SNTG2: variants seen among roughly 807,000 people sequenced by gnomAD.
SNTG2 encodes the protein syntrophin gamma 2.
A neutral mutation model predicts 70.9 loss-of-function variants in SNTG2; 74 were observed. That is an observed-to-expected ratio of 1.04 (90% CI 0.86 to 1.27). The LOEUF (loss-of-function observed/expected upper bound fraction) is 1.27, where lower values mean the gene tolerates loss of function less well. Among genes scored for constraint, SNTG2 ranks in the 50% most tolerant of loss-of-function variants. The pLI is 0.00. For synonymous variants in SNTG2, 278 were observed against 273.8 expected, an observed-to-expected ratio of 1.02 and a Z score of -0.15; for missense variants, 717 against 690.7, an observed-to-expected ratio of 1.04 and a Z score of -0.43.
At chr2:1,193,400 T>G (rs761267025) in intron 8 of SNTG2, among the ~76,000 whole-genome samples, 29 of 152,174 alleles carry the variant, frequency 1.9e-4, no homozygotes, top group Non-Finnish European at 3.7e-4. Flanking sequence ...AGCCCAGGCT[T>G]CATCACTGAT....
At chr2:961,730 G>A (rs1660357715) in intron 1 of SNTG2, among the ~76,000 whole-genome samples, 1 of 152,182 alleles carries the variant, frequency 6.6e-6, no homozygotes, top group South Asian at 2.1e-4. Context: ...GTCTAAGATA[G>A]TGACAGCCTG....
chr2:1,176,937 C>A (rs1671517592), intron 8 of SNTG2, among the ~76,000 whole-genome samples: 1 of 152,150 alleles, frequency 6.6e-6, no homozygotes, highest in African/African-American at 2.4e-5. Flanking sequence ...CCTCAAAGGT[C>A]TAGAACCAGA....
chr2:1,014,681 T>C (rs1659827192), intron 1 of SNTG2, among the ~76,000 whole-genome samples: 1 of 148,870 alleles, frequency 6.7e-6, no homozygotes, highest in African/African-American at 2.5e-5. Flanking sequence ...AAGGGTGGTC[T>C]GTAGAGGGAT....
chr2:1,124,863 G>T (rs1667607831), intron 4 of SNTG2, among the ~76,000 whole-genome samples: 1 of 152,116 alleles, frequency 6.6e-6, no homozygotes, highest in Non-Finnish European at 1.5e-5. Context: ...CGAGTTGAGA[G>T]GTCCAGTGCT....
At chr2:1,300,250 G>A (rs946159566) in intron 14 of SNTG2, among the ~76,000 whole-genome samples, 2 of 152,210 alleles carry the variant, frequency 1.3e-5, no homozygotes, top group Non-Finnish European at 2.9e-5. Context: ...TTTAAATGAC[G>A]GCACTGTTAC....
At chr2:1,016,235 T>A (rs982420144) in intron 1 of SNTG2, among the ~76,000 whole-genome samples, 1 of 151,976 alleles carries the variant, frequency 6.6e-6, no homozygotes, top group Non-Finnish European at 1.5e-5. Flanking sequence ...TGCAGACAAC[T>A]TTTTTTTGTT....
At chr2:1,035,542 A>G (rs1015073430) in intron 1 of SNTG2, among the ~76,000 whole-genome samples, 15 of 152,202 alleles carry the variant, frequency 9.9e-5, no homozygotes, top group Admixed American at 8.5e-4. Flanking sequence ...AAAGATGCTC[A>G]TTGTGTACTT....
chr2:1,319,471 C>T (rs532816362), intron 16 of SNTG2, among the ~76,000 whole-genome samples: 3 of 152,318 alleles, frequency 2.0e-5, no homozygotes, highest in South Asian at 2.1e-4. Flanking sequence ...CTCCATTTCC[C>T]GTGCTGGATC....
At chr2:1,002,775 A>G (rs1659439039) in intron 1 of SNTG2, among the ~76,000 whole-genome samples, 1 of 151,598 alleles carries the variant, frequency 6.6e-6, no homozygotes, top group South Asian at 2.1e-4. Context: ...AAAAAATTAT[A>G]TCATTATATC....
intron 4 of SNTG2, among the ~76,000 whole-genome samples, chr2:1,122,908 AAAT>A (rs1403900979): frequency 2.3e-5 from 3 of 131,404 alleles, no homozygotes; most frequent in South Asian, 2.8e-4. Flanking sequence ...TGTCATACAC[AAAT>A]AATAGCTGAA....
chr2:1,231,910 G>C (rs1232220704), intron 9 of SNTG2, among the ~76,000 whole-genome samples: 1 of 152,222 alleles, frequency 6.6e-6, no homozygotes, highest in Non-Finnish European at 1.5e-5. Context: ...CCTCTGTGCT[G>C]AGGCCCTCAG....
At chr2:1,122,437 G>GT (rs1667433264) in intron 4 of SNTG2, among the ~76,000 whole-genome samples, 1 of 152,260 alleles carries the variant, frequency 6.6e-6, no homozygotes, top group South Asian at 2.1e-4. Flanking sequence ...TCCATGGCAT[G>GT]TGAGGCCAGT....
intron 16 of SNTG2, among the ~76,000 whole-genome samples, chr2:1,323,899 A>G (rs1681651578): frequency 6.6e-6 from 1 of 151,050 alleles, no homozygotes; most frequent in South Asian, 2.1e-4. Flanking sequence ...GGACATGGGT[A>G]ACAGTCACAT....
At chr2:1,053,114 G>A (rs1332711864) in intron 1 of SNTG2, among the ~76,000 whole-genome samples, 1 of 152,090 alleles carries the variant, frequency 6.6e-6, no homozygotes, top group Non-Finnish European at 1.5e-5. Flanking sequence ...CCTGCGTTTT[G>A]TCCACGTAGG....
chr2:1,291,247 T>C (rs1174907342), intron 14 of SNTG2, among the ~76,000 whole-genome samples: 1 of 152,200 alleles, frequency 6.6e-6, no homozygotes, highest in Non-Finnish European at 1.5e-5. Context: ...TTATGTATTC[T>C]AGACATCAAC....
intron 14 of SNTG2, among the ~76,000 whole-genome samples, chr2:1,281,449 G>T (rs1679538890): frequency 6.6e-6 from 1 of 151,250 alleles, no homozygotes; most frequent in Non-Finnish European, 1.5e-5. Context: ...GTGGTGGTAT[G>T]TGTGTGCTTG....
chr2:1,271,399 CAATT>C (rs1371130788), intron 14 of SNTG2, among the ~76,000 whole-genome samples: 1 of 151,740 alleles, frequency 6.6e-6, no homozygotes. Context: ...ATTTGTATGT[CAATT>C]TATTTAAATT....
intron 1 of SNTG2, among the ~76,000 whole-genome samples, chr2:1,016,736 T>C (rs972327480): frequency 7.2e-5 from 11 of 152,192 alleles, no homozygotes; most frequent in African/African-American, 2.4e-4. Flanking sequence ...CTCTGAGACA[T>C]TTGACTGAAT....
chr2:1,014,513 G>T (rs1396079485), intron 1 of SNTG2, among the ~76,000 whole-genome samples: 1 of 81,448 alleles, frequency 1.2e-5, no homozygotes, highest in Non-Finnish European at 2.8e-5. Context: ...GGATTTATAT[G>T]GGCAGAAAGA....
Sources: gnomAD v4.1 joint callset for allele counts (sites outside exome capture counted in the v4.1 genomes callset) on GRCh38, gnomAD v4.1.1 for gene constraint, MANE v1.5 for transcripts, NCBI Gene and HGNC (gene_info 2026-07-23, HGNC 2026-07-21) for gene names.